MAPK4: variants seen among roughly 807,000 people sequenced by gnomAD.
MAPK4 encodes mitogen-activated protein kinase 4, also known as Erk3-related.
Under a neutral mutation model 47.7 loss-of-function variants are expected in MAPK4, and 22 were observed. The ratio of observed to expected loss-of-function variants is 0.46; its 90% CI spans 0.33 to 0.66. The LOEUF is 0.66. Among genes scored for constraint, MAPK4 ranks in the 30% least tolerant of loss-of-function variants. MAPK4 has a pLI of 0.02. For missense variants in MAPK4, 736 were observed against 831.7 expected, an observed-to-expected ratio of 0.88 and a Z score of 1.42; for synonymous variants, 390 against 365.7, an observed-to-expected ratio of 1.07 and a Z score of -0.76.
At chr18:50,688,218 G>A (rs1305623871) in intron 2 of MAPK4, among the ~76,000 whole-genome samples, 1 of 152,158 alleles carries the variant, frequency 6.6e-6, no homozygotes, top group Non-Finnish European at 1.5e-5. Flanking sequence ...GACGAGGCTG[G>A]GCTGGGGTGA....
At chr18:50,625,385 A>AT (rs1009728183) in intron 1 of MAPK4, among the ~76,000 whole-genome samples, 1 of 151,908 alleles carries the variant, frequency 6.6e-6, no homozygotes, top group Non-Finnish European at 1.5e-5. Flanking sequence ...CTTGCACTTT[A>AT]TTTTTCTCCT....
intron 1 of MAPK4, among the ~76,000 whole-genome samples, chr18:50,566,132 C>A (rs1183119641): frequency 1.3e-5 from 2 of 152,120 alleles, no homozygotes; most frequent in African/African-American, 2.4e-5. Flanking sequence ...GTATCAATGT[C>A]TAGATTTAAC....
At chr18:50,644,390 A>G (rs766149016) in intron 1 of MAPK4, among the ~76,000 whole-genome samples, 5 of 152,124 alleles carry the variant, frequency 3.3e-5, no homozygotes, top group Non-Finnish European at 5.9e-5. Context: ...CACACTTGCC[A>G]TTGGGTATCT....
chr18:50,694,496 C>A (rs1909399420), intron 2 of MAPK4, among the ~76,000 whole-genome samples: 1 of 152,220 alleles, frequency 6.6e-6, no homozygotes, highest in South Asian at 2.1e-4. Context: ...TCCACCGGAG[C>A]CCTATGTTAA....
chr18:50,683,605 A>G (rs192631687), intron 2 of MAPK4, among the ~76,000 whole-genome samples: 219 of 152,304 alleles, frequency 1.4e-3, no homozygotes, highest in Non-Finnish European at 2.4e-3. Context: ...TTGAATGCCA[A>G]CTATGGTCTA....
intron 2 of MAPK4, among the ~76,000 whole-genome samples, chr18:50,707,569 CAAAA>C (rs11419022): frequency 1.4e-5 from 1 of 72,512 alleles, no homozygotes; most frequent in Non-Finnish European, 2.5e-5. Flanking sequence ...GCCTCTGTCT[CAAAA>C]AAAAAAAAAA....
At chr18:50,659,394 G>A (rs1222968750) in intron 1 of MAPK4, among the ~76,000 whole-genome samples, 1 of 152,230 alleles carries the variant, frequency 6.6e-6, no homozygotes, top group Non-Finnish European at 1.5e-5. Context: ...TCAGCACCTT[G>A]CTGGGGAGAT....
intron 1 of MAPK4, among the ~76,000 whole-genome samples, chr18:50,603,139 G>T (rs2042554534): frequency 1.3e-5 from 2 of 152,098 alleles, no homozygotes; most frequent in Non-Finnish European, 2.9e-5. Flanking sequence ...AGCAGATGTG[G>T]CCGGTCAGCA....
intron 3 of MAPK4, among the ~76,000 whole-genome samples, chr18:50,715,741 C>T (rs1910601883): frequency 6.6e-6 from 1 of 152,230 alleles, no homozygotes. Flanking sequence ...GCCTCTATAA[C>T]TGTGAGAAAT....
At chr18:50,632,593 G>C (rs542270615) in intron 1 of MAPK4, among the ~76,000 whole-genome samples, 1 of 151,128 alleles carries the variant, frequency 6.6e-6, no homozygotes, top group East Asian at 2.0e-4. Context: ...CATTCCTTAA[G>C]GACAGAGACT....
chr18:50,673,508 C>T (rs2052782721), intron 2 of MAPK4, among the ~76,000 whole-genome samples: 1 of 152,160 alleles, frequency 6.6e-6, no homozygotes, highest in African/African-American at 2.4e-5. Context: ...CCTTTGTTTA[C>T]CTAGAAAGTA....
chr18:50,609,278 C>A (rs2042610449), intron 1 of MAPK4, among the ~76,000 whole-genome samples: 1 of 151,874 alleles, frequency 6.6e-6, no homozygotes, highest in Non-Finnish European at 1.5e-5. Flanking sequence ...GGGCTCCTCA[C>A]TTCCCAGAAG....
At chr18:50,561,219 G>C (rs768655932) in intron 1 of MAPK4, among the ~76,000 whole-genome samples, 4 of 152,254 alleles carry the variant, frequency 2.6e-5, no homozygotes, top group Non-Finnish European at 1.5e-5. Flanking sequence ...ACCTCGAGAC[G>C]TGCATTTCCA....
chr18:50,701,356 T>C (rs1214362232), intron 2 of MAPK4, among the ~76,000 whole-genome samples: 1 of 152,160 alleles, frequency 6.6e-6, no homozygotes, highest in East Asian at 1.9e-4. Context: ...TTTTGTAATA[T>C]TCACAAAGCA....
chr18:50,590,180 A>G (rs755362413), intron 1 of MAPK4, among the ~76,000 whole-genome samples: 5 of 152,190 alleles, frequency 3.3e-5, no homozygotes, highest in Non-Finnish European at 5.9e-5. Flanking sequence ...ACTAGCTGTG[A>G]TGAGGAAGGA....
At chr18:50,567,762 G>A (rs12967600) in intron 1 of MAPK4, among the ~76,000 whole-genome samples, 3 of 151,522 alleles carry the variant, frequency 2.0e-5, no homozygotes, top group Non-Finnish European at 4.4e-5. Context: ...GTGGGTGGGT[G>A]TGGTGTTTGT....
intron 1 of MAPK4, among the ~76,000 whole-genome samples, chr18:50,603,162 C>T (rs1290755391): frequency 1.3e-5 from 2 of 152,046 alleles, no homozygotes; most frequent in Non-Finnish European, 2.9e-5. Context: ...CAGGTCAGTC[C>T]CCCATGGGCC....
intron 2 of MAPK4, among the ~76,000 whole-genome samples, chr18:50,693,698 C>T (rs954673709): frequency 6.6e-5 from 10 of 152,152 alleles, no homozygotes; most frequent in African/African-American, 1.7e-4. Flanking sequence ...ATGTGCTTTC[C>T]GTGGGTTTGT....
chr18:50,647,020 A>G (rs190633303), intron 1 of MAPK4, among the ~76,000 whole-genome samples: 57 of 152,304 alleles, frequency 3.7e-4, no homozygotes, highest in East Asian at 9.6e-4. Context: ...TTTGCATCAC[A>G]TCTGCCCCTC....
Sources: gnomAD v4.1 joint callset for allele counts (sites outside exome capture counted in the v4.1 genomes callset) on GRCh38, gnomAD v4.1.1 for gene constraint, MANE v1.5 for transcripts, NCBI Gene and HGNC (gene_info 2026-07-23, HGNC 2026-07-21) for gene names.